Variants in SDK1 observed in about 807,000 individuals in gnomAD.
SDK1 encodes the protein sidekick cell adhesion molecule 1.
Under a neutral mutation model 245.5 loss-of-function variants are expected in SDK1, and 157 were observed. The observed-to-expected ratio is 0.64, with a 90% CI of 0.56 to 0.73. The LOEUF (loss-of-function observed/expected upper bound fraction) is 0.73, where lower values mean the gene tolerates loss of function less well. Ranked by LOEUF, SDK1 falls within the 30% of genes least tolerant of loss-of-function variation. The pLI is 0.00. For missense variants in SDK1, 3,583 were observed against 3,002.3 expected (o/e 1.19, Z -4.52); for synonymous variants, 1,647 against 1,278.5 (o/e 1.29, Z -6.15).
chr7:4,169,821 C>T (rs1310008947), intron 32 of SDK1, among the ~76,000 whole-genome samples: 1 of 152,160 alleles, frequency 6.6e-6, no homozygotes. Context: ...GGGAGGGCCC[C>T]TGGGCACAGA....
At chr7:3,392,192 A>C (rs1408000668) in intron 1 of SDK1, among the ~76,000 whole-genome samples, 20 of 152,104 alleles carry the variant, frequency 1.3e-4, no homozygotes, top group Non-Finnish European at 1.2e-4. Flanking sequence ...AACTTTACAG[A>C]AGTAAAGAGA....
intron 1 of SDK1, among the ~76,000 whole-genome samples, chr7:3,524,310 T>G (rs1783045057): frequency 6.6e-6 from 1 of 151,984 alleles, no homozygotes; most frequent in South Asian, 2.1e-4. Flanking sequence ...CCTACTTAGG[T>G]TTTAACAAAA....
At chr7:3,848,786 C>T (rs183168868) in intron 5 of SDK1, among the ~76,000 whole-genome samples, 75 of 152,240 alleles carry the variant, frequency 4.9e-4, no homozygotes, top group African/African-American at 1.6e-3. Context: ...ATTCTCCTGC[C>T]TCAGCTTCCC....
chr7:3,440,799 A>T (rs900152443), intron 1 of SDK1, among the ~76,000 whole-genome samples: 4 of 152,230 alleles, frequency 2.6e-5, no homozygotes, highest in African/African-American at 7.2e-5. Flanking sequence ...CTCAAACTGC[A>T]AAAGTTATGG....
chr7:3,785,401 A>T (rs1375039260), intron 4 of SDK1, among the ~76,000 whole-genome samples: 1 of 152,200 alleles, frequency 6.6e-6, no homozygotes, highest in African/African-American at 2.4e-5. Context: ...AACGAGATTG[A>T]TTTAATTATT....
intron 1 of SDK1, among the ~76,000 whole-genome samples, chr7:3,339,112 G>T (rs1272765251): frequency 2.0e-5 from 3 of 152,006 alleles, no homozygotes; most frequent in Admixed American, 2.0e-4. Flanking sequence ...GATGGAAAAA[G>T]ATATGCCATA....
chr7:3,867,684 A>G (rs1460275865), intron 5 of SDK1, among the ~76,000 whole-genome samples: 1 of 152,190 alleles, frequency 6.6e-6, no homozygotes, highest in Admixed American at 6.5e-5. Context: ...GGTCCCTCCC[A>G]CAATACATGG....
intron 4 of SDK1, among the ~76,000 whole-genome samples, chr7:3,745,204 T>C (rs1174927924): frequency 6.6e-6 from 1 of 152,230 alleles, no homozygotes; most frequent in Non-Finnish European, 1.5e-5. Context: ...TCAGTTTCTC[T>C]AGGTTTTGTG....
intron 2 of SDK1, among the ~76,000 whole-genome samples, chr7:3,636,129 G>A (rs193286805): frequency 1.1e-4 from 17 of 151,988 alleles, no homozygotes; most frequent in African/African-American, 4.1e-4. Flanking sequence ...ATAATTATAC[G>A]CCCATGAAAC....
intron 4 of SDK1, among the ~76,000 whole-genome samples, chr7:3,644,361 C>T (rs1782754726): frequency 6.6e-6 from 1 of 151,490 alleles, no homozygotes. Flanking sequence ...TTACAAGTTA[C>T]TTAGGTATCC....
At chr7:3,622,965 A>G (rs1045167007) in intron 2 of SDK1, among the ~76,000 whole-genome samples, 1 of 151,906 alleles carries the variant, frequency 6.6e-6, no homozygotes, top group African/African-American at 2.4e-5. Context: ...TTACTCTTTC[A>G]TCTACTTCCT....
At chr7:3,806,918 T>C (rs911061886) in intron 4 of SDK1, among the ~76,000 whole-genome samples, 7 of 152,188 alleles carry the variant, frequency 4.6e-5, no homozygotes, top group Non-Finnish European at 1.0e-4. Context: ...TTCCTGCCTG[T>C]ATCTTACGTG....
At chr7:3,845,456 C>G (rs1280226972) in intron 5 of SDK1, among the ~76,000 whole-genome samples, 4 of 142,234 alleles carry the variant, frequency 2.8e-5, no homozygotes, top group Non-Finnish European at 6.0e-5. Flanking sequence ...CGCCACTGCA[C>G]TCCAGCCTGG....
chr7:4,197,077 G>A (rs573383814), intron 35 of SDK1, among the ~76,000 whole-genome samples: 41 of 152,250 alleles, frequency 2.7e-4, no homozygotes, highest in Non-Finnish European at 5.4e-4. Flanking sequence ...AATCCACACG[G>A]GCAAACATGA....
intron 2 of SDK1, among the ~76,000 whole-genome samples, chr7:3,625,046 A>G (rs1050133702): frequency 6.6e-6 from 1 of 152,160 alleles, no homozygotes; most frequent in Non-Finnish European, 1.5e-5. Context: ...TCTCAAAAAT[A>G]AAAATTAAAT....
intron 35 of SDK1, among the ~76,000 whole-genome samples, chr7:4,191,252 C>A (rs1783193610): frequency 6.6e-6 from 1 of 152,144 alleles, no homozygotes; most frequent in Non-Finnish European, 1.5e-5. Context: ...CCCTCCCCCG[C>A]CGCGGTCACA....
intron 1 of SDK1, among the ~76,000 whole-genome samples, chr7:3,306,051 G>A (rs1196159857): frequency 1.3e-5 from 2 of 152,136 alleles, no homozygotes; most frequent in Non-Finnish European, 2.9e-5. Context: ...GGGCTGGAGC[G>A]TTTCCCATGT....
intron 1 of SDK1, among the ~76,000 whole-genome samples, chr7:3,484,581 A>T (rs1455869543): frequency 6.6e-6 from 1 of 152,206 alleles, no homozygotes; most frequent in Non-Finnish European, 1.5e-5. Flanking sequence ...GTCTCCTGCC[A>T]GTGCTGTTGA....
chr7:4,183,210 A>G (rs1782694243), intron 35 of SDK1, among the ~76,000 whole-genome samples: 1 of 152,172 alleles, frequency 6.6e-6, no homozygotes, highest in Admixed American at 6.5e-5. Context: ...TTCAGAATGC[A>G]AAAGTCTGAA....
Sources: allele counts gnomAD v4.1 joint callset (sites outside exome capture counted in the v4.1 genomes callset), GRCh38; gene constraint gnomAD v4.1.1; transcripts MANE v1.5; gene names NCBI Gene and HGNC (gene_info 2026-07-23, HGNC 2026-07-21).